The following ROBO1 variants were observed in gnomAD, a reference collection of about 807,000 sequenced individuals.
The protein encoded by ROBO1 is roundabout guidance receptor 1.
In ROBO1, 149 loss-of-function variants were observed where a neutral mutation model predicts 195.9. The ratio of observed to expected loss-of-function variants is 0.76; its 90% CI spans 0.67 to 0.87. ROBO1 has a LOEUF of 0.87. Among genes scored for constraint, ROBO1 ranks in the 40% least tolerant of loss-of-function variants. The pLI is 0.00. For synonymous variants in ROBO1, 816 were observed against 733.2 expected, an observed-to-expected ratio of 1.11 and a Z score of -1.82; for missense variants, 1,933 against 2,068.3, an observed-to-expected ratio of 0.93 and a Z score of 1.27.
At chr3:79,458,431 G>A (rs1210445553) in intron 2 of ROBO1, among the ~76,000 whole-genome samples, 1 of 152,168 alleles carries the variant, frequency 6.6e-6, no homozygotes, top group East Asian at 1.9e-4. Context: ...CAGTGAGTAT[G>A]AAGGATCTGG....
chr3:79,594,959 A>T (rs1466265895), intron 1 of ROBO1, among the ~76,000 whole-genome samples: 2 of 152,020 alleles, frequency 1.3e-5, no homozygotes, highest in Non-Finnish European at 2.9e-5. Flanking sequence ...GAAAGGTAAT[A>T]TATTTATAAG....
At chr3:78,875,513 T>C (rs1373716688) in intron 4 of ROBO1, among the ~76,000 whole-genome samples, 1 of 151,924 alleles carries the variant, frequency 6.6e-6, no homozygotes, top group East Asian at 1.9e-4. Context: ...GGTAACCTGG[T>C]TTCACTGATT....
chr3:78,782,865 T>C (rs2108489950), intron 4 of ROBO1, among the ~76,000 whole-genome samples: 1 of 152,278 alleles, frequency 6.6e-6, no homozygotes, highest in East Asian at 1.9e-4. Context: ...CATCTTTATA[T>C]TTTTCCAATA....
intron 3 of ROBO1, among the ~76,000 whole-genome samples, chr3:79,084,021 A>G: frequency 6.6e-6 from 1 of 152,198 alleles, no homozygotes; most frequent in Non-Finnish European, 1.5e-5. Flanking sequence ...ATTTTATTGT[A>G]CTGCCTGACT....
At chr3:78,642,955 CTCAT>C (rs1283352543) in intron 21 of ROBO1, among the ~76,000 whole-genome samples, 6 of 151,896 alleles carry the variant, frequency 4.0e-5, no homozygotes, top group Non-Finnish European at 7.4e-5. Flanking sequence ...TATTCAATGG[CTCAT>C]TCATTTTTTT....
intron 2 of ROBO1, among the ~76,000 whole-genome samples, chr3:79,344,720 T>A (rs778098654): frequency 1.2e-4 from 18 of 151,984 alleles, no homozygotes; most frequent in Non-Finnish European, 2.1e-4. Context: ...TATATATATA[T>A]GGAGAGAGAG....
chr3:78,629,832 T>G (rs1435964230), intron 25 of ROBO1, among the ~76,000 whole-genome samples: 1 of 152,174 alleles, frequency 6.6e-6, no homozygotes, highest in Admixed American at 6.6e-5. Context: ...GCCAAAAATT[T>G]GAGCGCCTGA....
intron 29 of ROBO1, among the ~76,000 whole-genome samples, chr3:78,603,978 A>C (rs1703324396): frequency 6.6e-6 from 1 of 152,084 alleles, no homozygotes; most frequent in South Asian, 2.1e-4. Context: ...CTGTTTTCTA[A>C]ATCTGCATAC....
chr3:78,707,017 A>ATATC, intron 8 of ROBO1, among the ~76,000 whole-genome samples: 1 of 152,216 alleles, frequency 6.6e-6, no homozygotes, highest in East Asian at 1.9e-4. Flanking sequence ...ATGCAAACTA[A>ATATC]TGCTTACAGC....
intron 2 of ROBO1, among the ~76,000 whole-genome samples, chr3:79,488,444 G>C (rs1303690607): frequency 6.6e-6 from 1 of 152,072 alleles, no homozygotes; most frequent in Non-Finnish European, 1.5e-5. Flanking sequence ...TGCATATGAA[G>C]ATAGAGACTG....
At chr3:78,806,702 G>A (rs1444677235) in intron 4 of ROBO1, among the ~76,000 whole-genome samples, 1 of 152,152 alleles carries the variant, frequency 6.6e-6, no homozygotes, top group South Asian at 2.1e-4. Flanking sequence ...ACAAAACCAT[G>A]TTTGCATAAA....
At chr3:79,498,008 C>A (rs1229873414) in intron 2 of ROBO1, among the ~76,000 whole-genome samples, 2 of 134,806 alleles carry the variant, frequency 1.5e-5, no homozygotes, top group East Asian at 4.5e-4. Context: ...TTTTGCTGAG[C>A]AATGTTACCT....
chr3:78,797,651 T>C (rs1428769085), intron 4 of ROBO1, among the ~76,000 whole-genome samples: 1 of 152,182 alleles, frequency 6.6e-6, no homozygotes, highest in Non-Finnish European at 1.5e-5. Context: ...CTTGTATGTG[T>C]CGGGGATGGG....
chr3:79,036,714 C>G (rs567569028), intron 3 of ROBO1, among the ~76,000 whole-genome samples: 1 of 152,022 alleles, frequency 6.6e-6, no homozygotes, highest in African/African-American at 2.4e-5. Context: ...TAAAGAAGGT[C>G]TCTGTGTGCC....
At position 78,712,986 on chromosome 3, in the gene ROBO1, G is replaced by A. The variant is rs560369875; in HGVS notation, c.1045+1411C>T. Among the ~76,000 whole-genome samples the A allele has an allele frequency of 9.1e-4, 139 of 152,222 alleles. 1 individual carries two copies. The highest frequency in any genetic ancestry group is 3.2e-3 in the African/African-American group (131 of 41,562). ...CCTGGAGATAGACACACCTTTTCAT[G>A]TCTTGTATTCATCCTGGCTATTTTC... On this transcript the variant is annotated intron_variant, in intron 8 of 30. Transcript: ENST00000464233.
At chr3:78,881,335 TC>T (rs1419616794) in intron 4 of ROBO1, among the ~76,000 whole-genome samples, 1 of 152,186 alleles carries the variant, frequency 6.6e-6, no homozygotes, top group Non-Finnish European at 1.5e-5. Flanking sequence ...GGCATTCACC[TC>T]ATAGACTGCG....
At chr3:79,120,427 G>C (rs2080095644) in intron 3 of ROBO1, among the ~76,000 whole-genome samples, 2 of 152,124 alleles carry the variant, frequency 1.3e-5, no homozygotes, top group Non-Finnish European at 2.9e-5. Flanking sequence ...AAGCAAGCGT[G>C]GACAGAATAT....
intron 2 of ROBO1, among the ~76,000 whole-genome samples, chr3:79,586,850 T>C (rs187991370): frequency 1.3e-5 from 2 of 152,004 alleles, no homozygotes; most frequent in East Asian, 3.9e-4. Flanking sequence ...AGACGTGGCA[T>C]AGTCCAGATA....
At chr3:78,900,756 T>A (rs538872966) in intron 4 of ROBO1, among the ~76,000 whole-genome samples, 16 of 152,032 alleles carry the variant, frequency 1.1e-4, no homozygotes, top group East Asian at 3.9e-4. Context: ...AACAAAAAAA[T>A]ATATATATAT....
Sources: gnomAD v4.1 joint callset for allele counts (sites outside exome capture counted in the v4.1 genomes callset) on GRCh38, gnomAD v4.1.1 for gene constraint, MANE v1.5 for transcripts, NCBI Gene and HGNC (gene_info 2026-07-23, HGNC 2026-07-21) for gene names.